Variants in RNF213 observed in about 807,000 individuals in gnomAD.
RNF213 encodes the protein ring finger protein 213, also known as E3 ubiquitin-protein ligase RNF213.
RNF213 carries 341 observed loss-of-function variants against 514.4 expected under a neutral mutation model. The ratio of observed to expected loss-of-function variants is 0.66; its 90% CI spans 0.61 to 0.73. The LOEUF (loss-of-function observed/expected upper bound fraction) is 0.73. RNF213 is among the 30% of genes least tolerant of loss of function. RNF213 has a pLI of 0.00. For missense variants in RNF213, 5,767 were observed against 6,615.6 expected (o/e 0.87, Z 4.45); for synonymous variants, 2,655 against 2,658.2 (o/e 1.00, Z 0.04).
chr17:80,263,878 C>A lies in RNF213; in HGVS notation c.97+100C>A. The A allele has an allele frequency of 1.0e-6, 1 of 968,520 alleles. No homozygotes were observed. The highest frequency in any genetic ancestry group is 1.6e-6 in the Non-Finnish European group (1 of 611,780). 60.0% of individuals were successfully genotyped at this position (968,520 alleles called of 1,614,324 possible). On this transcript the variant is annotated intron_variant, in intron 2 of 67. Transcript: ENST00000582970. This position sits in a 1 kb window ranked among gnomAD's most constrained non-coding sequence, Gnocchi z 4.9. ...TGGAAACCCTGGGCAGCAGGCAGCT[C>A]AGGTGGGGCCGAGGTCCTCTGTGGC...
chr17:80,373,984 G>A lies in RNF213; in HGVS notation c.12943-474G>A, dbSNP rs539192730. Among the ~76,000 whole-genome samples the A allele has an allele frequency of 5.3e-5, 7 of 133,066 alleles. No individual in the cohort carries two copies. In the East Asian group the frequency reaches 6.7e-4, roughly 13 times the overall value. 87.3% of individuals were successfully genotyped at this position (133,066 alleles called of 152,430 possible). A position where few individuals can be genotyped will look rare whatever the true frequency, so the allele number is the denominator to read the frequency against. ...CACCACTGCACTCCAGCGCCTGGGC[G>A]ATAGAGCGAGACTCCGTCTCAAAAA... On this transcript the variant is annotated intron_variant, in intron 49 of 67. Coordinates refer to ENST00000582970, the MANE Select transcript of RNF213 (RefSeq NM_001256071.3).
intron 1 of RNF213, among the ~76,000 whole-genome samples, chr17:80,261,630 C>G (rs1055336959): frequency 6.6e-6 from 1 of 152,240 alleles, no homozygotes. Context: ...GAAAAAATGT[C>G]AGAGAAAAGA....
At position 80,303,626 on chromosome 17, in the gene RNF213, C is replaced by T. The variant is rs1053158755; in HGVS notation, c.2211-2626C>T. On this transcript the variant is annotated intron_variant, in intron 11 of 67. Coordinates refer to ENST00000582970, the MANE Select transcript of RNF213 (RefSeq NM_001256071.3). The stretch of plus-strand genomic sequence containing the variant: ...TCGCCCAGGCTGGAGTACAGTGGCG[C>T]GATCTCTGGTCACTGCAACCTTCGC... Among the ~76,000 whole-genome samples the T allele has an allele frequency of 2.3e-4, 35 of 149,264 alleles. 1 individual carries two copies. The highest frequency in any genetic ancestry group is 3.5e-3 in the Middle Eastern group (1 of 288).
intron 2 of RNF213, among the ~76,000 whole-genome samples, chr17:80,271,715 A>G (rs1598886909): frequency 6.6e-6 from 1 of 152,052 alleles, no homozygotes; most frequent in South Asian, 2.1e-4. Flanking sequence ...GTGGTGGCTC[A>G]AGCCTGTAAT....
chr17:80,372,808 C>G lies in RNF213; in HGVS notation c.12751+74C>G, dbSNP rs1314324805. On this transcript the variant is annotated intron_variant, in intron 48 of 67. Transcript: ENST00000582970. ...TTAGAAATTCAGGAAGTATGGGAAA[C>G]TAGTTCTTCGAATAGACTACTACTG... is the stretch of plus-strand genomic sequence containing the variant. 4.0e-6 allele frequency: 6 copies of G among 1,493,680 alleles called. No homozygotes were observed. In the African/African-American group the frequency reaches 4.1e-5, roughly 10 times the overall value. The allele number at this position is 1,493,680 out of a possible 1,614,324, so 92.5% of individuals were successfully genotyped here.
rs537412085 is a variant in RNF213, at chr17:80,322,860, T to C, written c.3025-2170T>C. Among the ~76,000 whole-genome samples, 18 of 152,308 alleles carry C rather than the reference T, an allele frequency of 1.2e-4. No individual in the cohort carries two copies. The South Asian group carries it at 3.5e-3, about 30-fold the overall frequency. ...TTTTTCACATTCTTATTGGTTTCTTTTGAAGCACAGAAGTCTTTAATTTTG... is the reference window on the plus strand; with the variant it reads ...TTTTTCACATTCTTATTGGTTTCTTCTGAAGCACAGAAGTCTTTAATTTTG... On this transcript the variant is annotated intron_variant, in intron 17 of 67. Transcript: ENST00000582970.
chr17:80,389,962 C>T (rs774188727), intron 66 of RNF213, 45 bp downstream of exon 66: 1 of 1,613,188 alleles, frequency 6.2e-7, no homozygotes, highest in Non-Finnish European at 8.5e-7. Context: ...GGACTGCGCT[C>T]CCTTCTCCCT....
At chr17:80,355,259 G>C (rs546472244) in intron 36 of RNF213, 2 of 455,876 alleles carry the variant, frequency 4.4e-6, no homozygotes, top group East Asian at 1.4e-4. Context: ...CCAGTGATAG[G>C]TTCGCTTTGG....
Position 80,383,921 on chromosome 17 carries a change from T to A in RNF213, c.14315T>A (p.Leu4772Gln). Reference sequence around the variant, plus strand: ...AGAGTGCCCATCCTCTGGCATTTCCTGCAGAAGGTATGTCTGGCTTACTGT... The same window carrying A: ...AGAGTGCCCATCCTCTGGCATTTCCAGCAGAAGGTATGTCTGGCTTACTGT... ...KERVPILWHF[L>Q]QKEAELRLVK... The change falls in exon 59 of 68, where the codon CTG (leucine) becomes CAG (glutamine). Residue 4772 changes from leucine (L) to glutamine (Q), a missense_variant. By Grantham distance (113) the Leu-to-Gln change is moderately radical. Transcript: ENST00000582970. 1 of 1,614,178 alleles carries A rather than the reference T, an allele frequency of 6.2e-7. No homozygotes were observed. The highest frequency in any genetic ancestry group is 8.5e-7 in the Non-Finnish European group (1 of 1,180,034).
At chr17:80,370,024 G>A (rs118178130) in intron 46 of RNF213, among the ~76,000 whole-genome samples, 157 bp downstream of exon 46, 2,334 of 152,288 alleles carry the variant, frequency 0.015, 41 homozygotes, top group Admixed American at 0.05. Context: ...TACTGGTTGT[G>A]TATTCTGACA....
At chr17:80,392,779 AG>A (rs1266917016) in intron 67 of RNF213, among the ~76,000 whole-genome samples, 1 of 151,976 alleles carries the variant, frequency 6.6e-6, no homozygotes, top group Non-Finnish European at 1.5e-5. Flanking sequence ...TACTAGAGAC[AG>A]GGTTTCTCCA....
intron 36 of RNF213, 45 bp downstream of exon 36, chr17:80,354,621 A>T (rs1465206805): frequency 6.2e-7 from 1 of 1,612,152 alleles, no homozygotes; most frequent in South Asian, 1.1e-5. Context: ...ATCTGGTGGC[A>T]GCATGGGGAC....
chr17:80,334,798 TTG>T (rs2077938617), intron 22 of RNF213, among the ~76,000 whole-genome samples: 1 of 151,748 alleles, frequency 6.6e-6, no homozygotes, highest in South Asian at 2.1e-4. Context: ...GGCTAATTTT[TTG>T]TGTTTTTAGT....
chr17:80,345,451 G>A lies in RNF213; in HGVS notation c.7116G>A (p.Lys2372=). The change falls in exon 29 of 68, where the codon AAG becomes AAA. Residue 2372 remains lysine (K), a synonymous_variant. Coordinates refer to ENST00000582970, the MANE Select transcript of RNF213 (RefSeq NM_001256071.3). This position sits in a 1 kb window ranked among gnomAD's most constrained non-coding sequence, Gnocchi z 6.0. The stretch of plus-strand genomic sequence containing the variant: ...ACTTTGATAAACTGCCCAGACACAA[G>A]AAACTTGAGAGGCTCTGCCTGACCT... The part of the protein sequence containing the change: ...NVDFDKLPRH[K]KLERLCLTLG... The A allele has an allele frequency of 6.2e-7, 1 of 1,612,248 alleles. No individual in the cohort carries two copies. The highest frequency in any genetic ancestry group is 8.5e-7 in the Non-Finnish European group (1 of 1,178,658).
intron 57 of RNF213, 75 bp downstream of exon 57, chr17:80,381,802 GCCAC>G: frequency 7.4e-7 from 1 of 1,357,310 alleles, no homozygotes; most frequent in Non-Finnish European, 1.0e-6. Context: ...TGTCTTGTGG[GCCAC>G]CCCACACACA....
At chr17:80,388,089 G>A (rs1413122709) in intron 63 of RNF213, among the ~76,000 whole-genome samples, 3 of 151,074 alleles carry the variant, frequency 2.0e-5, no homozygotes, top group Admixed American at 6.6e-5. Flanking sequence ...GCAGCCTCCC[G>A]AGTAGCTGGG....
In RNF213 at chr17:80,345,969, A is replaced by G. The variant is rs1480127844; in HGVS notation, c.7634A>G (p.Tyr2545Cys). The G allele has an allele frequency of 2.5e-6, 4 of 1,614,114 alleles. No individual in the cohort carries two copies. The South Asian group carries it at 4.4e-5, about 18-fold the overall frequency. Residue 2545 changes from tyrosine to cysteine, a missense_variant, in exon 29 of 68, where the codon TAC becomes TGC. Transcript: ENST00000582970. The surrounding 1 kb of genome is among the most constrained non-coding windows in gnomAD (Gnocchi z 6.0). ...ICRLESAGLG[Y>C]RVSMEETADR... ...CGTTTGGAGTCAGCTGGTTTGGGCT[A>G]CAGGGTTAGTATGGAGGAGACGGCC...
At chr17:80,371,605 T>A in intron 46 of RNF213, 1 of 293,428 alleles carries the variant, frequency 3.4e-6, no homozygotes, top group Non-Finnish European at 6.4e-6. Flanking sequence ...ATAACCCACA[T>A]AAAAGCTCTT....
At chr17:80,319,389 A>G (rs55996424) in intron 17 of RNF213, 77 bp downstream of exon 17, 1 of 1,614,078 alleles carries the variant, frequency 6.2e-7, no homozygotes, top group Non-Finnish European at 8.5e-7. Flanking sequence ...AGGGCTATGA[A>G]GCACCCGCTG....
Sources: allele counts gnomAD v4.1 joint callset (sites outside exome capture counted in the v4.1 genomes callset), GRCh38; gene constraint gnomAD v4.1.1; non-coding constraint Gnocchi (gnomAD v3.1); transcripts MANE v1.5; gene names NCBI Gene and HGNC (gene_info 2026-07-23, HGNC 2026-07-21).